Variants in NTRK2 observed in about 807,000 individuals in gnomAD.
The protein encoded by NTRK2 is BDNF/NT-3 growth factors receptor.
In NTRK2, 13 loss-of-function variants were observed where a neutral mutation model predicts 94.5. The ratio of observed to expected loss-of-function variants is 0.14; its 90% CI spans 0.09 to 0.22. NTRK2 has a LOEUF of 0.22. Ranked by LOEUF, NTRK2 falls within the 10% of genes least tolerant of loss-of-function variation. The pLI is 1.00. For synonymous variants in NTRK2, 372 were observed against 407.4 expected (o/e 0.91, Z 1.05); for missense variants, 639 against 1,071.2 (o/e 0.60, Z 5.63).
chr9:84,795,137 G>A (rs931669890), intron 12 of NTRK2, among the ~76,000 whole-genome samples: 1 of 152,146 alleles, frequency 6.6e-6, no homozygotes, highest in Non-Finnish European at 1.5e-5. Flanking sequence ...GCAAGTTCAG[G>A]GATCTATCTG....
intron 15 of NTRK2, among the ~76,000 whole-genome samples, chr9:84,939,051 C>CAAAAAAAAAAAAAA (rs138558531): frequency 1.3e-4 from 9 of 68,394 alleles, no homozygotes; most frequent in Admixed American, 6.3e-4. Flanking sequence ...GACCCCAACT[C>CAAAAAAAAAAAAAA]AAAAAAAAAA....
chr9:84,756,394 A>G (rs1398643910), intron 12 of NTRK2, among the ~76,000 whole-genome samples: 1 of 152,198 alleles, frequency 6.6e-6, no homozygotes, highest in Non-Finnish European at 1.5e-5. Flanking sequence ...GGAGCACCAG[A>G]GCTGCCAAGT....
chr9:84,827,665 C>T (rs2131632407), intron 12 of NTRK2, among the ~76,000 whole-genome samples: 1 of 152,322 alleles, frequency 6.6e-6, no homozygotes, highest in South Asian at 2.1e-4. Flanking sequence ...TGACTTTTGC[C>T]TTAAGAAACA....
At chr9:84,979,940 T>C (rs561223802) in intron 17 of NTRK2, among the ~76,000 whole-genome samples, 11 of 152,256 alleles carry the variant, frequency 7.2e-5, no homozygotes, top group Admixed American at 1.3e-4. Flanking sequence ...TACATTGTTT[T>C]TATTTAGCTA....
intron 17 of NTRK2, among the ~76,000 whole-genome samples, chr9:85,006,575 C>T (rs559806995): frequency 6.6e-6 from 1 of 152,166 alleles, no homozygotes; most frequent in Non-Finnish European, 1.5e-5. Flanking sequence ...GGATGGCCAA[C>T]AGGCTATACT....
intron 17 of NTRK2, among the ~76,000 whole-genome samples, chr9:84,959,911 C>T (rs1483350693): frequency 6.6e-6 from 1 of 152,168 alleles, no homozygotes; most frequent in Non-Finnish European, 1.5e-5. Flanking sequence ...TTGGTTTTAA[C>T]ATATGCTTAA....
intron 12 of NTRK2, among the ~76,000 whole-genome samples, chr9:84,757,685 A>T (rs1026902258): frequency 9.2e-5 from 14 of 152,222 alleles, no homozygotes; most frequent in Non-Finnish European, 4.4e-5. Flanking sequence ...CCACTTGGGA[A>T]TGTTTCTGAC....
intron 14 of NTRK2, chr9:84,875,501 A>C (rs1402133748): frequency 4.7e-6 from 5 of 1,063,258 alleles, no homozygotes; most frequent in Middle Eastern, 4.1e-4. Flanking sequence ...TTATTGCTCA[A>C]CTGAAGCAGA....
chr9:84,980,880 G>T lies in NTRK2; in HGVS notation c.2172+25363G>T, dbSNP rs1222729798. 3.9e-5 allele frequency among the ~76,000 whole-genome samples: 6 copies of T among 152,346 alleles called. No homozygotes were observed. The South Asian group carries it at 1.2e-3, about 32-fold the overall frequency. Reference sequence around the variant, plus strand: ...TGGGGAAACGAAAGTCAGGGTAGGTGCAGACTTCAAGAGAGCAGGTAGTGT... The same window carrying T: ...TGGGGAAACGAAAGTCAGGGTAGGTTCAGACTTCAAGAGAGCAGGTAGTGT... On this transcript the variant is annotated intron_variant, in intron 17 of 18. Transcript: ENST00000277120.
intron 17 of NTRK2, among the ~76,000 whole-genome samples, chr9:85,001,977 T>C (rs112885312): frequency 6.6e-6 from 1 of 152,322 alleles, no homozygotes; most frequent in African/African-American, 2.4e-5. Flanking sequence ...TTCACAGCTG[T>C]CCTCATCTGA....
At chr9:85,009,530 C>CT (rs1474643678) in intron 17 of NTRK2, among the ~76,000 whole-genome samples, 1 of 152,082 alleles carries the variant, frequency 6.6e-6, no homozygotes, top group Non-Finnish European at 1.5e-5. Context: ...AGCATGTGCA[C>CT]TTTTTATGGG....
chr9:84,855,187 A>G (rs2075006498), intron 12 of NTRK2, among the ~76,000 whole-genome samples: 1 of 152,116 alleles, frequency 6.6e-6, no homozygotes, highest in Non-Finnish European at 1.5e-5. Context: ...TGAATGCAAT[A>G]ATCTGATTTA....
chr9:84,859,080 A>G (rs2075207542), intron 12 of NTRK2, among the ~76,000 whole-genome samples: 1 of 152,194 alleles, frequency 6.6e-6, no homozygotes, highest in Non-Finnish European at 1.5e-5. Flanking sequence ...AGTGAACTAT[A>G]ATGACTTCAC....
intron 13 of NTRK2, among the ~76,000 whole-genome samples, chr9:84,866,799 G>C (rs745749712): frequency 2.6e-5 from 4 of 152,106 alleles, no homozygotes; most frequent in Admixed American, 6.5e-5. Context: ...TAGCCAAAAA[G>C]CCAGAACAAC....
chr9:84,859,355 T>C (rs780306531), intron 12 of NTRK2, among the ~76,000 whole-genome samples: 1 of 152,172 alleles, frequency 6.6e-6, no homozygotes. Flanking sequence ...TCAAATACTG[T>C]TGGTGAAAGT....
intron 17 of NTRK2, among the ~76,000 whole-genome samples, chr9:85,010,216 G>C (rs1251732207): frequency 6.6e-6 from 1 of 152,182 alleles, no homozygotes; most frequent in Non-Finnish European, 1.5e-5. Context: ...TAGCCTGTCT[G>C]AGTAACTTAC....
chr9:84,867,458 TC>T, intron 14 of NTRK2, 27 bp downstream of exon 14: 7 of 1,583,830 alleles, frequency 4.4e-6, no homozygotes, highest in Non-Finnish European at 6.1e-6. Flanking sequence ...GTACTTATTG[TC>T]CCATTTGCTG....
At chr9:84,730,772 TAAACAAATAGC>T (rs2062812965) in intron 9 of NTRK2, among the ~76,000 whole-genome samples, 2 of 10,768 alleles carry the variant, frequency 1.9e-4, no homozygotes, top group Non-Finnish European at 3.0e-4. Context: ...TAAAGAAAAA[TAAACAAATAGC>T]AAAAAAAAAA....
intron 2 of NTRK2, among the ~76,000 whole-genome samples, chr9:84,673,264 C>T (rs553701984): frequency 2.0e-5 from 3 of 152,276 alleles, no homozygotes; most frequent in South Asian, 4.1e-4. Flanking sequence ...TCAGTGGATG[C>T]GCTTGTTTCA....
Sources: allele counts gnomAD v4.1 joint callset (sites outside exome capture counted in the v4.1 genomes callset), GRCh38; gene constraint gnomAD v4.1.1; transcripts MANE v1.5; gene names NCBI Gene and HGNC (gene_info 2026-07-23, HGNC 2026-07-21).